Variants in VWDE observed in about 807,000 individuals in gnomAD.
VWDE encodes von Willebrand factor D and EGF domain-containing protein.
Under a neutral mutation model 178.4 loss-of-function variants are expected in VWDE, and 207 were observed. That is an observed-to-expected ratio of 1.16 (90% CI 1.04 to 1.30). The LOEUF is 1.30. Ranked by LOEUF, VWDE falls within the 50% of genes most tolerant of loss-of-function variation. The probability of loss-of-function intolerance (pLI) is 0.00; values close to 1 mark genes in which losing one functional copy is unlikely to be tolerated. For missense variants in VWDE, 2,287 were observed against 1,901.3 expected, an observed-to-expected ratio of 1.20 and a Z score of -3.77; for synonymous variants, 738 against 651.4, an observed-to-expected ratio of 1.13 and a Z score of -2.02.
At position 12,343,093 on chromosome 7, in the gene VWDE, C is replaced by T. The variant is rs1046831055; in HGVS notation, c.4164G>A (p.Arg1388=). ...GAGAGCTTTGCTTACTTGTTTCACA[C>T]CTTGGTCCTACAAAACCATAAGGAC... ...CTCPYGFVGP[R]CETMVCNRHC... The change falls in exon 22 of 29, where the codon AGG becomes AGA. Residue 1388 remains arginine (R), a synonymous_variant. Transcript: ENST00000275358. 13 of 1,549,006 alleles carry T rather than the reference C, an allele frequency of 8.4e-6. No homozygotes were observed. Among genetic ancestry groups the T allele is most frequent in the African/African-American group, 5.5e-5 (4 of 72,928 alleles).
intron 1 of VWDE, among the ~76,000 whole-genome samples, chr7:12,398,269 G>A (rs947825145): frequency 1.3e-5 from 2 of 152,034 alleles, no homozygotes. Flanking sequence ...TATAGAAATT[G>A]ACCCTCCCAG....
rs1784555214 is a variant in VWDE at position 12,394,947 on chromosome 7, G to C, written c.59-1169C>G. Among the ~76,000 whole-genome samples the C allele has an allele frequency of 2.6e-5, 4 of 152,218 alleles. No homozygotes were observed. In the South Asian group the frequency reaches 8.3e-4, roughly 32 times the overall value. On this transcript the variant is annotated intron_variant, in intron 1 of 28. Transcript: ENST00000275358. ...AAAAATCAGAGATACTAATTTACAA[G>C]TGGATCTCACAAGTGTAGCCTACGA...
chr7:12,361,501 C>T lies in VWDE; in HGVS notation c.2919G>A (p.Met973Ile). Residue 973 changes from methionine to isoleucine, a missense_variant, in exon 14 of 29, where the codon ATG becomes ATA. Physicochemically the swap from Met to Ile is conservative, Grantham distance 10. Transcript: ENST00000275358. ...TCTGTGTATAGATGGGTTCTCCAGG[C>T]ATCCATTCACTGCTATTATACTGAA... Reference protein sequence around the residue: ...TKLQYNSSEWMPGEPIYTQTV... With the variant: ...TKLQYNSSEWIPGEPIYTQTV... The T allele has an allele frequency of 6.5e-7, 1 of 1,548,432 alleles. No individual in the cohort carries two copies. The highest frequency in any genetic ancestry group is 2.4e-5 in the East Asian group (1 of 40,860).
chr7:12,372,978 G>A lies in VWDE; in HGVS notation c.1586C>T (p.Thr529Ile). 1 of 1,550,694 alleles carries A rather than the reference G, an allele frequency of 6.4e-7. No homozygotes were observed. Among genetic ancestry groups the A allele is most frequent in the Non-Finnish European group, 8.7e-7 (1 of 1,146,348 alleles). Residue 529 changes from threonine to isoleucine, a missense_variant and splice_region_variant, in exon 10 of 29, where the codon ACA (threonine) becomes ATA (isoleucine). Thr to Ile is a moderately conservative substitution (Grantham distance 89). Coordinates refer to ENST00000275358, the MANE Select transcript of VWDE (RefSeq NM_001135924.3). ...TCAATGTTAAAGAATCATACATACTGTGACTTTTCTTCCTAAGTAAGATTC... is the reference window on the plus strand; with the variant it reads ...TCAATGTTAAAGAATCATACATACTATGACTTTTCTTCCTAAGTAAGATTC... ...ISESYLGRKVTIWFSSGAFIR... is the reference protein window; with the variant it reads ...ISESYLGRKVIIWFSSGAFIR...
intron 19 of VWDE, among the ~76,000 whole-genome samples, chr7:12,348,209 G>C (rs1781721324): frequency 7.0e-6 from 1 of 143,794 alleles, no homozygotes; most frequent in Admixed American, 6.9e-5. Context: ...GCAACACAAA[G>C]CCAAAATTGA....
At chr7:12,371,255 G>A (rs1294857371) in intron 10 of VWDE, among the ~76,000 whole-genome samples, 1 of 152,154 alleles carries the variant, frequency 6.6e-6, no homozygotes, top group Non-Finnish European at 1.5e-5. Context: ...TTACACAGAT[G>A]AATATAATTT....
chr7:12,400,545 T>G (rs1377753773), intron 1 of VWDE, among the ~76,000 whole-genome samples: 1 of 151,818 alleles, frequency 6.6e-6, no homozygotes, highest in Non-Finnish European at 1.5e-5. Flanking sequence ...AGTAAAAATA[T>G]CAAATCAGTC....
intron 28 of VWDE, among the ~76,000 whole-genome samples, chr7:12,332,505 T>C (rs953630253): frequency 2.6e-5 from 4 of 152,120 alleles, no homozygotes; most frequent in Admixed American, 1.3e-4. Flanking sequence ...GTTAAAAAGC[T>C]TTAGAGGTCA....
At chr7:12,337,909 G>A (rs1781127588) in intron 24 of VWDE, among the ~76,000 whole-genome samples, 1 of 151,930 alleles carries the variant, frequency 6.6e-6, no homozygotes, top group South Asian at 2.1e-4. Context: ...TTTATGAGAT[G>A]GTTATGATTA....
In VWDE at chr7:12,376,780, G is replaced by T. The variant is rs139112251; in HGVS notation, c.1024+996C>A. Among the ~76,000 whole-genome samples, 47 of 152,160 alleles carry T rather than the reference G, an allele frequency of 3.1e-4. No individual in the cohort carries two copies. The East Asian group carries it at 6.4e-3, about 21-fold the overall frequency. ...GTGCTCCTGAAATCTGAGCGAGTAGGTAGGTATTACTGAGCCTGCTTACTG... is the reference window on the plus strand; with the variant it reads ...GTGCTCCTGAAATCTGAGCGAGTAGTTAGGTATTACTGAGCCTGCTTACTG... On this transcript the variant is annotated intron_variant, in intron 7 of 28. Transcript: ENST00000275358.
chr7:12,338,224 A>T (rs1275100769), intron 24 of VWDE, among the ~76,000 whole-genome samples: 1 of 152,004 alleles, frequency 6.6e-6, no homozygotes, highest in Non-Finnish European at 1.5e-5. Flanking sequence ...AATATAACTG[A>T]AAGCTTTTAG....
At chr7:12,333,725 CTT>C (rs893450473) in intron 27 of VWDE, 157 bp from the exon 28 acceptor site, 3 of 542,996 alleles carry the variant, frequency 5.5e-6, no homozygotes, top group Non-Finnish European at 9.9e-6. Context: ...TCTATGTACT[CTT>C]GTCTTTCAGA....
chr7:12,398,806 A>AAG lies in VWDE; in HGVS notation c.58+4852_58+4853insCT, dbSNP rs1784744897. Among the ~76,000 whole-genome samples the AAG allele has an allele frequency of 2.0e-5, 3 of 152,286 alleles. No homozygotes were observed. The South Asian group carries it at 6.2e-4, about 32-fold the overall frequency. ...TTAATGCAGAAACAGAAAACCAAAT[A>AAG]CTGCATGTTCTCGCTTATAAGGGCA... On this transcript the variant is annotated intron_variant, in intron 1 of 28. Transcript: ENST00000275358.
intron 19 of VWDE, among the ~76,000 whole-genome samples, chr7:12,350,894 T>G (rs1467548536): frequency 6.6e-6 from 1 of 152,064 alleles, no homozygotes; most frequent in Non-Finnish European, 1.5e-5. Flanking sequence ...TAAATAAGAA[T>G]AGCAGACAAA....
intron 3 of VWDE, among the ~76,000 whole-genome samples, chr7:12,383,972 T>G (rs1157992157): frequency 6.6e-6 from 1 of 152,166 alleles, no homozygotes; most frequent in Non-Finnish European, 1.5e-5. Flanking sequence ...AACATACTCT[T>G]AGCATATGAC....
At chr7:12,393,046 A>G (rs1180206005) in intron 2 of VWDE, among the ~76,000 whole-genome samples, 1 of 152,172 alleles carries the variant, frequency 6.6e-6, no homozygotes, top group African/African-American at 2.4e-5. Flanking sequence ...TGATCAGAAA[A>G]TACCTGGAGA....
At chr7:12,401,408 G>A (rs1361837288) in intron 1 of VWDE, among the ~76,000 whole-genome samples, 2 of 151,974 alleles carry the variant, frequency 1.3e-5, no homozygotes, top group African/African-American at 2.4e-5. Context: ...TATCCAATAA[G>A]AAAATTATAT....
chr7:12,332,649 C>G (rs545487691), intron 28 of VWDE, among the ~76,000 whole-genome samples: 5 of 152,242 alleles, frequency 3.3e-5, no homozygotes, highest in African/African-American at 1.2e-4. Context: ...AATAAGTACT[C>G]AATAACTTTT....
chr7:12,341,931 A>G (rs560896755), intron 23 of VWDE, 128 bp downstream of exon 23: 27 of 620,824 alleles, frequency 4.3e-5, no homozygotes, highest in Middle Eastern at 3.6e-4. Context: ...TCTGTCTGAA[A>G]TAACAACTTC....
Sources: allele counts gnomAD v4.1 joint callset (sites outside exome capture counted in the v4.1 genomes callset), GRCh38; gene constraint gnomAD v4.1.1; transcripts MANE v1.5; gene names NCBI Gene and HGNC (gene_info 2026-07-23, HGNC 2026-07-21).